THBS2: variants seen among roughly 807,000 people sequenced by gnomAD.
THBS2 encodes thrombospondin-2.
Under a neutral mutation model 135.2 loss-of-function variants are expected in THBS2, and 47 were observed. The observed-to-expected ratio is 0.35, with a 90% CI of 0.28 to 0.44. The LOEUF is 0.44. Among genes scored for constraint, THBS2 ranks in the 20% least tolerant of loss-of-function variants. The probability of loss-of-function intolerance (pLI) is 1.00; values close to 1 mark genes in which losing one functional copy is unlikely to be tolerated. For missense variants in THBS2, 1,288 were observed against 1,603.1 expected, an observed-to-expected ratio of 0.80 and a Z score of 3.36; for synonymous variants, 639 against 633.8, an observed-to-expected ratio of 1.01 and a Z score of -0.12.
Position 169,248,983 on chromosome 6 carries a change from G to A in THBS2, c.53-10C>T. Reference sequence around the variant, plus strand: ...TTGTCCTGGTGACCAGCTGCAAAGGGAACCGCAGTGGAGAAGGGTGACGTA... The same window carrying A: ...TTGTCCTGGTGACCAGCTGCAAAGGAAACCGCAGTGGAGAAGGGTGACGTA... On this transcript the variant is annotated splice_polypyrimidine_tract_variant and intron_variant, in intron 2 of 21. Transcript: ENST00000617924. The A allele has an allele frequency of 6.3e-7, 1 of 1,589,382 alleles. No homozygotes were observed. The highest frequency in any genetic ancestry group is 1.3e-5 in the African/African-American group (1 of 74,768).
chr6:169,238,946 C>T (rs927023573), intron 7 of THBS2, among the ~76,000 whole-genome samples: 4 of 152,082 alleles, frequency 2.6e-5, no homozygotes, highest in Non-Finnish European at 5.9e-5. Flanking sequence ...CCACGGATGG[C>T]TCAGGAGCTC....
chr6:169,226,708 G>T (rs940790171), intron 15 of THBS2, among the ~76,000 whole-genome samples: 2 of 152,214 alleles, frequency 1.3e-5, no homozygotes, highest in African/African-American at 2.4e-5. Context: ...GCAGAGAGTG[G>T]CAGGGTTTTT....
chr6:169,228,358 T>G (rs74773464), intron 14 of THBS2, 77 bp from the exon 15 acceptor site: 1 of 1,528,046 alleles, frequency 6.5e-7, no homozygotes, highest in South Asian at 1.2e-5. Flanking sequence ...TTATAAGTTA[T>G]GTACTCAAGG....
rs1461548372 is a variant in THBS2, at chr6:169,226,061, C to T, written c.2538+119G>A. 4 of 1,129,836 alleles carry T rather than the reference C, an allele frequency of 3.5e-6. No individual in the cohort carries two copies. The East Asian group carries it at 7.3e-5, about 21-fold the overall frequency. The allele number at this position is 1,129,836 out of a possible 1,614,324, so 70.0% of individuals were successfully genotyped here. A position where few individuals can be genotyped will look rare whatever the true frequency, so the allele number is the denominator to read the frequency against. ...CTGAGACCCGCCTGCCCATGGCTGC[C>T]CTCATCTGGTCAGGGTTGTGCACCA... is the stretch of plus-strand genomic sequence containing the variant. On this transcript the variant is annotated intron_variant, in intron 16 of 21. Transcript: ENST00000617924.
At position 169,248,527 on chromosome 6, in the gene THBS2, A is replaced by C; in HGVS notation, c.499T>G (p.Cys167Gly). 2 of 1,614,042 alleles carry C rather than the reference A, an allele frequency of 1.2e-6. No homozygotes were observed. Among genetic ancestry groups the C allele is most frequent in the Non-Finnish European group, 1.7e-6 (2 of 1,180,042 alleles). ...AGETYSLHVGCDLIDSFALDE... is the reference protein window; with the variant it reads ...AGETYSLHVGGDLIDSFALDE... The stretch of plus-strand genomic sequence containing the variant: ...AGAGCGAAGCTGTCTATGAGGTCGC[A>C]GCCCACGTGCAAGCTGTAGGTCTCG... Residue 167 changes from cysteine (C) to glycine (G), a missense_variant, in exon 3 of 22, where the codon TGC (cysteine) becomes GGC (glycine). Around this residue, in one of 2 missense-constraint regions of THBS2, gnomAD observed 414 missense variants for 447.0 expected, o/e 0.93. Coordinates refer to ENST00000617924, the MANE Select transcript of THBS2 (RefSeq NM_003247.5).
At chr6:169,247,955 C>T (rs541286058) in intron 3 of THBS2, among the ~76,000 whole-genome samples, 27 of 150,452 alleles carry the variant, frequency 1.8e-4, no homozygotes, top group East Asian at 1.2e-3. Context: ...TCTGCATGTG[C>T]GTGCCCATGT....
intron 4 of THBS2, among the ~76,000 whole-genome samples, 189 bp from the exon 5 acceptor site, chr6:169,242,147 T>C (rs62435216): frequency 0.14 from 21,849 of 151,762 alleles, 1,725 homozygotes; most frequent in East Asian, 0.25. Flanking sequence ...GCTCCCAGAG[T>C]GGCCTGGTGC....
intron 4 of THBS2, 61 bp from the exon 5 acceptor site, chr6:169,242,019 G>C: frequency 6.5e-7 from 1 of 1,534,176 alleles, no homozygotes; most frequent in Non-Finnish European, 8.8e-7. Context: ...AGCAGGGGCT[G>C]GGAACAGAGG....
intron 15 of THBS2, among the ~76,000 whole-genome samples, chr6:169,227,911 G>A (rs1357694688): frequency 4.6e-5 from 7 of 152,016 alleles, no homozygotes; most frequent in East Asian, 3.9e-4. Flanking sequence ...GTGAAACCTC[G>A]TCTCTACTTA....
At chr6:169,233,227 C>T (rs140291294) in intron 10 of THBS2, among the ~76,000 whole-genome samples, 45 of 152,226 alleles carry the variant, frequency 3.0e-4, no homozygotes, top group African/African-American at 1.0e-3. Flanking sequence ...GTTGCAGAAG[C>T]ACGTGTACAT....
Position 169,221,546 on chromosome 6 carries a change from C to T in THBS2, c.3274-19G>A, listed in dbSNP as rs1420110469. The T allele has an allele frequency of 4.3e-6, 7 of 1,612,196 alleles. No individual in the cohort carries two copies. Among genetic ancestry groups the T allele is most frequent in the East Asian group, 2.2e-5 (1 of 44,880 alleles). On this transcript the variant is annotated intron_variant, in intron 19 of 21. Coordinates refer to ENST00000617924, the MANE Select transcript of THBS2 (RefSeq NM_003247.5). ...TTCGCACCTGAGAGAGAACATAGCA[C>T]TCTTGAGTGCCATGGGCACCCGGAG...
chr6:169,219,694 T>C, intron 21 of THBS2: 2 of 472,740 alleles, frequency 4.2e-6, no homozygotes, highest in Non-Finnish European at 8.5e-6. Context: ...CTGAGCCTTA[T>C]TTACTGCATC....
chr6:169,236,465 A>C (rs1780078407), intron 9 of THBS2, among the ~76,000 whole-genome samples: 1 of 82,974 alleles, frequency 1.2e-5, no homozygotes, highest in Admixed American at 1.5e-4. Context: ...AACACCATCC[A>C]CACTCACTCC....
chr6:169,224,973 G>A (rs112957289), intron 17 of THBS2, among the ~76,000 whole-genome samples, 172 bp downstream of exon 17: 2,582 of 152,276 alleles, frequency 0.017, 67 homozygotes, highest in African/African-American at 0.059. Flanking sequence ...TGTGTTGAGT[G>A]TCAGGGGAGA....
chr6:169,222,984 T>A (rs1779487264), intron 18 of THBS2, among the ~76,000 whole-genome samples: 1 of 152,042 alleles, frequency 6.6e-6, no homozygotes, highest in Non-Finnish European at 1.5e-5. Flanking sequence ...TTACAAGAGT[T>A]CTGAGAGGAT....
At position 169,252,873 on chromosome 6, in the gene THBS2, A is replaced by G. The variant is rs1780801093; in HGVS notation, c.-23+851T>C. Among the ~76,000 whole-genome samples, 1 of 152,216 alleles carries G rather than the reference A, an allele frequency of 6.6e-6. No homozygotes were observed. The highest frequency in any genetic ancestry group is 1.9e-4 in the East Asian group (1 of 5,190). On this transcript the variant is annotated intron_variant, in intron 1 of 21. Transcript: ENST00000617924. The surrounding 1 kb of genome is among the most constrained non-coding windows in gnomAD (Gnocchi z 4.3). The stretch of plus-strand genomic sequence containing the variant: ...TTTTAAAACTCTTTTCGTATGAACA[A>G]TCAAAGTAAAAGATAGCTTTGCAGA...
At chr6:169,250,975 A>G (rs1386916319) in intron 1 of THBS2, among the ~76,000 whole-genome samples, 169 bp from the exon 2 acceptor site, 1 of 152,246 alleles carries the variant, frequency 6.6e-6, no homozygotes, top group Admixed American at 6.5e-5. Flanking sequence ...TTTACTCTTC[A>G]AGCAGGATTC....
At position 169,250,811 on chromosome 6, in the gene THBS2, G is replaced by A; in HGVS notation, c.-22-5C>T. 3.7e-6 allele frequency: 6 copies of A among 1,608,396 alleles called. No homozygotes were observed. Among genetic ancestry groups the A allele is most frequent in the African/African-American group, 1.3e-5 (1 of 74,970 alleles). On this transcript the variant is annotated splice_polypyrimidine_tract_variant and splice_region_variant and intron_variant, in intron 1 of 21. Transcript: ENST00000617924. ...CTGCCTCCTGCAGCTGAGCTCCTGGGAATACAGGAAACCCTTGTTAGTGAT... is the reference window on the plus strand; with the variant it reads ...CTGCCTCCTGCAGCTGAGCTCCTGGAAATACAGGAAACCCTTGTTAGTGAT...
chr6:169,242,916 TTCCCACCAC>T lies in THBS2; in HGVS notation c.695-967_695-959del, dbSNP rs1188816798. ...TTCCCAGTGCTCCCATCTTCCCACC[TTCCCACCAC>T]TCCCACCTTCCCACCTTCCCACCTT... On this transcript the variant is annotated intron_variant, in intron 4 of 21. Coordinates refer to ENST00000617924, the MANE Select transcript of THBS2 (RefSeq NM_003247.5). Among the ~76,000 whole-genome samples the T allele has an allele frequency of 4.1e-4, 30 of 72,616 alleles. 1 individual carries two copies. Among genetic ancestry groups the T allele is most frequent in the Non-Finnish European group, 5.9e-4 (23 of 39,246 alleles). The allele number at this position is 72,616 out of a possible 152,430, so 47.6% of individuals were successfully genotyped here. A position where few individuals can be genotyped will look rare whatever the true frequency, so the allele number is the denominator to read the frequency against.
Sources: allele counts gnomAD v4.1 joint callset (sites outside exome capture counted in the v4.1 genomes callset), GRCh38; gene constraint gnomAD v4.1.1; regional missense constraint gnomAD v4.1.1; non-coding constraint Gnocchi (gnomAD v3.1); transcripts MANE v1.5; gene names NCBI Gene and HGNC (gene_info 2026-07-23, HGNC 2026-07-21).